The following ADGB variants were observed in gnomAD, a reference collection of about 807,000 sequenced individuals.
ADGB encodes the protein androglobin, also known as calpain-7-like protein.
In ADGB, 172 loss-of-function variants were observed where a neutral mutation model predicts 210.5. That is an observed-to-expected ratio of 0.82 (90% CI 0.72 to 0.93). The LOEUF (loss-of-function observed/expected upper bound fraction) is 0.93, where lower values mean the gene tolerates loss of function less well. Ranked by LOEUF, ADGB falls within the 40% of genes least tolerant of loss-of-function variation. The pLI is 0.00. For synonymous variants in ADGB, 658 were observed against 662.7 expected, an observed-to-expected ratio of 0.99 and a Z score of 0.11; for missense variants, 2,025 against 1,964.8, an observed-to-expected ratio of 1.03 and a Z score of -0.58.
chr6:146,814,121 C>G (rs2114679965), intron 35 of ADGB, among the ~76,000 whole-genome samples: 1 of 152,282 alleles, frequency 6.6e-6, no homozygotes, highest in East Asian at 1.9e-4. Context: ...ACAGTACTAT[C>G]TTTTGTAAAA....
intron 9 of ADGB, among the ~76,000 whole-genome samples, chr6:146,684,921 T>C (rs958171878): frequency 1.3e-5 from 2 of 152,088 alleles, no homozygotes; most frequent in Non-Finnish European, 2.9e-5. Context: ...TTCTCTAAGT[T>C]TGGCAGATTT....
intron 5 of ADGB, among the ~76,000 whole-genome samples, chr6:146,662,603 G>C (rs1453680215): frequency 6.6e-6 from 1 of 151,860 alleles, no homozygotes; most frequent in Non-Finnish European, 1.5e-5. Flanking sequence ...TAATTTCTCT[G>C]TCATTTTGGT....
chr6:146,700,962 T>C lies in ADGB; in HGVS notation c.1599T>C (p.Ile533=), dbSNP rs1451194939. Residue 533 remains isoleucine, a synonymous_variant, in exon 13 of 36, where the codon ATT becomes ATC. Transcript: ENST00000397944. ...PTEMHFVRSL[I]KKGIPPGSDL... is the part of the protein sequence containing the mutation. ...TTAGGCATTTTGTGCGCTCCTTAAT[T>C]AAGAAAGGAATACCTCCAGGATCTG... is the stretch of plus-strand genomic sequence containing the variant. 1 of 1,550,722 alleles carries C rather than the reference T, an allele frequency of 6.4e-7. No homozygotes were observed. The highest frequency in any genetic ancestry group is 8.7e-7 in the Non-Finnish European group (1 of 1,146,374).
At chr6:146,778,806 G>A (rs1221724395) in intron 29 of ADGB, among the ~76,000 whole-genome samples, 1 of 152,140 alleles carries the variant, frequency 6.6e-6, no homozygotes, top group Non-Finnish European at 1.5e-5. Flanking sequence ...ATCCTCAGAA[G>A]GTTTGGATAG....
chr6:146,703,752 C>T (rs977698531), intron 13 of ADGB, among the ~76,000 whole-genome samples: 1 of 151,844 alleles, frequency 6.6e-6, no homozygotes, highest in African/African-American at 2.4e-5. Flanking sequence ...GTGAATAATG[C>T]TATAATGAAG....
chr6:146,811,265 A>G (rs1277850957), intron 35 of ADGB, among the ~76,000 whole-genome samples: 5 of 152,132 alleles, frequency 3.3e-5, no homozygotes, highest in Non-Finnish European at 5.9e-5. Flanking sequence ...GCATTTTTTA[A>G]AGCATAATAC....
intron 13 of ADGB, among the ~76,000 whole-genome samples, chr6:146,704,554 G>A (rs901929031): frequency 6.6e-6 from 1 of 152,014 alleles, no homozygotes; most frequent in African/African-American, 2.4e-5. Context: ...TTACTGAAGA[G>A]ACTCTCCTTT....
chr6:146,635,813 G>A (rs749414202), intron 2 of ADGB, among the ~76,000 whole-genome samples: 1 of 152,024 alleles, frequency 6.6e-6, no homozygotes, highest in Non-Finnish European at 1.5e-5. Flanking sequence ...GATAGGGCAG[G>A]TTAGCCAGTC....
At chr6:146,783,262 AG>A (rs1777827232) in intron 30 of ADGB, among the ~76,000 whole-genome samples, 1 of 152,172 alleles carries the variant, frequency 6.6e-6, no homozygotes, top group Admixed American at 6.5e-5. Flanking sequence ...GTAGGATGTC[AG>A]TACCATTAAG....
At chr6:146,805,348 T>G (rs1778195531) in intron 35 of ADGB, among the ~76,000 whole-genome samples, 1 of 152,174 alleles carries the variant, frequency 6.6e-6, no homozygotes, top group South Asian at 2.1e-4. Context: ...AGGCAATGCA[T>G]TTCTGTTGTC....
chr6:146,767,866 TG>T lies in ADGB; in HGVS notation c.3751-1153del, dbSNP rs148184381. ...CTTCAACCCAGACAGCTCTAGCTCA[TG>T]AGGTCATGCCCTTAATCACAATGCT... On this transcript the variant is annotated intron_variant, in intron 28 of 35. Transcript: ENST00000397944. Among the ~76,000 whole-genome samples, 749 of 152,328 alleles carry T rather than the reference TG, an allele frequency of 4.9e-3. 2 individuals carry two copies. Among genetic ancestry groups the T allele is most frequent in the African/African-American group, 0.017 (705 of 41,576 alleles).
chr6:146,814,683 A>G (rs1184799285), intron 35 of ADGB, among the ~76,000 whole-genome samples: 1 of 152,202 alleles, frequency 6.6e-6, no homozygotes, highest in Non-Finnish European at 1.5e-5. Context: ...GGGAACTAGT[A>G]ATTTCTTGAG....
intron 34 of ADGB, among the ~76,000 whole-genome samples, 200 bp from the exon 35 acceptor site, chr6:146,801,628 T>C (rs559868442): frequency 6.6e-6 from 1 of 152,204 alleles, no homozygotes; most frequent in East Asian, 1.9e-4. Flanking sequence ...CTCCAAAATG[T>C]TTTCCTAAAA....
intron 1 of ADGB, among the ~76,000 whole-genome samples, chr6:146,613,992 G>GAT (rs1307255296): frequency 1.1e-4 from 16 of 151,776 alleles, no homozygotes; most frequent in Non-Finnish European, 7.4e-5. Context: ...GCCAAGAATA[G>GAT]ATATATATAT....
chr6:146,774,500 G>A (rs923222614), intron 29 of ADGB, among the ~76,000 whole-genome samples: 12 of 152,128 alleles, frequency 7.9e-5, no homozygotes, highest in African/African-American at 2.9e-4. Context: ...TTGCTGAAAA[G>A]CAGCAAAGAA....
intron 29 of ADGB, among the ~76,000 whole-genome samples, chr6:146,769,964 C>A (rs1344250232): frequency 6.6e-6 from 1 of 152,088 alleles, no homozygotes; most frequent in Admixed American, 6.5e-5. Context: ...ACTCTTAGTC[C>A]TTTTCGTCCT....
At chr6:146,649,530 G>GT (rs1167480388) in intron 3 of ADGB, among the ~76,000 whole-genome samples, 1 of 145,230 alleles carries the variant, frequency 6.9e-6, no homozygotes, top group African/African-American at 2.6e-5. Context: ...TTTCACTCTT[G>GT]CCCAGGCTGG....
At chr6:146,810,591 T>C (rs1238865075) in intron 35 of ADGB, among the ~76,000 whole-genome samples, 3 of 151,658 alleles carry the variant, frequency 2.0e-5, no homozygotes, top group Non-Finnish European at 1.5e-5. Context: ...ATGTGGTATA[T>C]ATATATATAA....
chr6:146,709,239 G>C (rs889477648), intron 13 of ADGB, among the ~76,000 whole-genome samples: 1 of 152,032 alleles, frequency 6.6e-6, no homozygotes, highest in Non-Finnish European at 1.5e-5. Context: ...GCTGGCTTTT[G>C]GTGCTTTATT....
Sources: gnomAD v4.1 joint callset for allele counts (sites outside exome capture counted in the v4.1 genomes callset) on GRCh38, gnomAD v4.1.1 for gene constraint, MANE v1.5 for transcripts, NCBI Gene and HGNC (gene_info 2026-07-23, HGNC 2026-07-21) for gene names.